TTYH2: variants seen among roughly 807,000 people sequenced by gnomAD.
TTYH2 encodes the protein tweety family member 2.
A neutral mutation model predicts 68.3 loss-of-function variants in TTYH2; 49 were observed. The ratio of observed to expected loss-of-function variants is 0.72; its 90% CI spans 0.57 to 0.91. The LOEUF (loss-of-function observed/expected upper bound fraction) is 0.91. Among genes scored for constraint, TTYH2 ranks in the 40% least tolerant of loss-of-function variants. The pLI is 0.00. For synonymous variants in TTYH2, 272 were observed against 300.8 expected, an observed-to-expected ratio of 0.90 and a Z score of 0.99; for missense variants, 631 against 700.4, an observed-to-expected ratio of 0.90 and a Z score of 1.12.
intron 9 of TTYH2, 117 bp from the exon 10 acceptor site, chr17:74,250,148 C>G: frequency 2.1e-6 from 3 of 1,455,836 alleles, no homozygotes; most frequent in South Asian, 1.2e-5. Context: ...CTCCCGCCCC[C>G]GTGACTCGGC....
At chr17:74,245,607 C>T (rs1270177507) in intron 6 of TTYH2, among the ~76,000 whole-genome samples, 1 of 152,226 alleles carries the variant, frequency 6.6e-6, no homozygotes, top group South Asian at 2.1e-4. Flanking sequence ...CCCTGGAATG[C>T]GGGGAGCTGG....
chr17:74,223,057 C>T (rs952465082), intron 2 of TTYH2, among the ~76,000 whole-genome samples: 1 of 145,594 alleles, frequency 6.9e-6, no homozygotes, highest in Non-Finnish European at 1.5e-5. Context: ...AGATCAATAG[C>T]TTTTAGTGCC....
intron 2 of TTYH2, among the ~76,000 whole-genome samples, chr17:74,226,552 T>C (rs772128673): frequency 4.0e-5 from 6 of 151,816 alleles, no homozygotes; most frequent in Non-Finnish European, 7.4e-5. Context: ...GTGTGAGTTA[T>C]GGGAGGGGCA....
intron 4 of TTYH2, among the ~76,000 whole-genome samples, chr17:74,238,975 T>C (rs2050472259): frequency 6.6e-6 from 1 of 151,922 alleles, no homozygotes; most frequent in African/African-American, 2.4e-5. Context: ...CCTCCCAAAG[T>C]CCAAGGATTA....
chr17:74,247,870 T>C (rs146895924), intron 6 of TTYH2: 126 of 152,304 alleles, frequency 8.3e-4, no homozygotes, highest in Non-Finnish European at 1.3e-3. Context: ...TGTGTGTGTG[T>C]GCGCGTGCGT....
chr17:74,226,267 G>C (rs756476628), intron 2 of TTYH2, among the ~76,000 whole-genome samples: 7 of 152,218 alleles, frequency 4.6e-5, no homozygotes, highest in Non-Finnish European at 1.0e-4. Flanking sequence ...AGTGAGAAGA[G>C]AAGGGGGCTG....
At position 74,229,938 on chromosome 17, in the gene TTYH2, C is replaced by G. The variant is rs550547534; in HGVS notation, c.303-950C>G. Among the ~76,000 whole-genome samples the G allele has an allele frequency of 7.2e-5, 11 of 152,272 alleles. No homozygotes were observed. The South Asian group carries it at 2.3e-3, about 32-fold the overall frequency. On this transcript the variant is annotated intron_variant, in intron 2 of 13. Coordinates refer to ENST00000269346, the MANE Select transcript of TTYH2 (RefSeq NM_032646.6). ...CTGAGGTCAGGAGTTCAAGACCAGC[C>G]TGGCCAACATGGTGAAACCTCCTTT... is the stretch of plus-strand genomic sequence containing the variant.
rs1031171600 is a variant in TTYH2 at position 74,219,387 on chromosome 17, C to CAA, written c.130-3083_130-3082dup. ...CTGGCGACAGAGCAAGACTCCGTGTCAAAAAAAAAAAAAAAAGAATAACTT... is the reference window on the plus strand; with the variant it reads ...CTGGCGACAGAGCAAGACTCCGTGTCAAAAAAAAAAAAAAAAAAGAATAACTT... On this transcript the variant is annotated intron_variant, in intron 1 of 13. Coordinates refer to ENST00000269346, the MANE Select transcript of TTYH2 (RefSeq NM_032646.6). Among the ~76,000 whole-genome samples, 120 of 88,480 alleles carry CAA rather than the reference C, an allele frequency of 1.4e-3. 6 individuals are homozygous for CAA. Among genetic ancestry groups the CAA allele is most frequent in the African/African-American group, 6.5e-3 (110 of 16,946 alleles). 58.0% of individuals were successfully genotyped at this position (88,480 alleles called of 152,430 possible).
In TTYH2 at chr17:74,222,495, T is replaced by C. The variant is rs369319856; in HGVS notation, c.140T>C (p.Phe47Ser). The C allele has an allele frequency of 1.9e-6, 3 of 1,610,048 alleles. No individual in the cohort carries two copies. The East Asian group carries it at 6.7e-5, about 36-fold the overall frequency. The change falls in exon 2 of 14, where the codon TTC becomes TCC. Residue 47 changes from phenylalanine to serine, a missense_variant. Coordinates refer to ENST00000269346, the MANE Select transcript of TTYH2 (RefSeq NM_032646.6). This position sits in a 1 kb window ranked among gnomAD's most constrained non-coding sequence, Gnocchi z 5.2. ...TCTGCTCTCTTCCAGTCGCTGCTGT[T>C]CCTGGGGCTGGTGGCCGCCGTCTGC... ...GDESYQESLL[F>S]LGLVAAVCLG...
intron 1 of TTYH2, among the ~76,000 whole-genome samples, chr17:74,216,875 G>A (rs1418627336): frequency 6.6e-6 from 1 of 152,268 alleles, no homozygotes; most frequent in Non-Finnish European, 1.5e-5. Flanking sequence ...CTACTCTAAA[G>A]AGATGATAAA....
chr17:74,245,616 G>T (rs1238592200), intron 6 of TTYH2, among the ~76,000 whole-genome samples: 1 of 152,366 alleles, frequency 6.6e-6, no homozygotes, highest in Middle Eastern at 3.4e-3. Flanking sequence ...GCGGGGAGCT[G>T]GGGAGAAAGG....
chr17:74,249,128 A>ACTCTGTGC (rs2050591840), intron 7 of TTYH2, 48 bp downstream of exon 7: 1 of 1,610,124 alleles, frequency 6.2e-7, no homozygotes, highest in Non-Finnish European at 8.5e-7. Flanking sequence ...AGGTGGCCGG[A>ACTCTGTGC]CTCTGTGCCC....
chr17:74,222,729 G>A lies in TTYH2; in HGVS notation c.302+72G>A. On this transcript the variant is annotated intron_variant, in intron 2 of 13. Transcript: ENST00000269346. This position sits in a 1 kb window ranked among gnomAD's most constrained non-coding sequence, Gnocchi z 5.2. ...AAGGGGCCAGGGACTGTTTGACCAT[G>A]TTCTGACGGAGCTCCAGCTACCTTG... 1 of 1,444,710 alleles carries A rather than the reference G, an allele frequency of 6.9e-7. No homozygotes were observed. The highest frequency in any genetic ancestry group is 9.1e-7 in the Non-Finnish European group (1 of 1,093,182). The allele number at this position is 1,444,710 out of a possible 1,614,324, so 89.5% of individuals were successfully genotyped here.
At chr17:74,221,962 G>A (rs1476638291) in intron 1 of TTYH2, among the ~76,000 whole-genome samples, 1 of 152,198 alleles carries the variant, frequency 6.6e-6, no homozygotes, top group Non-Finnish European at 1.5e-5. Flanking sequence ...GGACAGCGGG[G>A]TCCTTGCATG....
intron 2 of TTYH2, among the ~76,000 whole-genome samples, chr17:74,229,962 T>C (rs9905931): frequency 1 from 151,918 of 152,292 alleles, 75,779 homozygotes; most frequent in Middle Eastern, 1. Context: ...GAAACCTCCT[T>C]TCTACTAATA....
chr17:74,261,538 CTGT>C lies in TTYH2; in HGVS notation c.*1332_*1334del, dbSNP rs1448259643. The C allele has an allele frequency of 1.3e-5, 2 of 152,652 alleles. No homozygotes were observed. Among genetic ancestry groups the C allele is most frequent in the Non-Finnish European group, 2.9e-5 (2 of 68,054 alleles). 9.5% of individuals were successfully genotyped at this position (152,652 alleles called of 1,614,324 possible). On this transcript the variant is annotated 3_prime_UTR_variant, in exon 14 of 14. Transcript: ENST00000269346. ...AGGGAATAATGTCCCCCAATACTGC[CTGT>C]TGAGGGACCAGAGTTGGGGTCTTTG... is the stretch of plus-strand genomic sequence containing the variant.
chr17:74,253,375 C>A, intron 12 of TTYH2, 109 bp downstream of exon 12: 1 of 1,343,384 alleles, frequency 7.4e-7, no homozygotes, highest in Non-Finnish European at 1.0e-6. Context: ...CACCCGTGGT[C>A]CCCACTACAG....
chr17:74,222,403 A>C lies in TTYH2; in HGVS notation c.130-82A>C. On this transcript the variant is annotated intron_variant, in intron 1 of 13. Transcript: ENST00000269346. This position sits in a 1 kb window ranked among gnomAD's most constrained non-coding sequence, Gnocchi z 5.2. ...AGAGATGCAGCTCAGGCAGTGGGGC[A>C]CTCAGGGCCCAAGGGCAGGGCACTT... 6.9e-7 allele frequency: 1 copy of C among 1,451,716 alleles called. No individual in the cohort carries two copies. The highest frequency in any genetic ancestry group is 9.2e-7 in the Non-Finnish European group (1 of 1,082,716). The allele number at this position is 1,451,716 out of a possible 1,614,324, so 89.9% of individuals were successfully genotyped here. A position where few individuals can be genotyped will look rare whatever the true frequency, so the allele number is the denominator to read the frequency against.
At position 74,215,619 on chromosome 17, in the gene TTYH2, C is replaced by T; in HGVS notation, c.129+1903C>T. On this transcript the variant is annotated intron_variant, in intron 1 of 13. Transcript: ENST00000269346. This position sits in a 1 kb window ranked among gnomAD's most constrained non-coding sequence, Gnocchi z 4.3. Reference sequence around the variant, plus strand: ...TGGCTCCTGGTCCCGCTCACCCCCTCACCACCACTCAGATCGCTGAGTAGG... The same window carrying T: ...TGGCTCCTGGTCCCGCTCACCCCCTTACCACCACTCAGATCGCTGAGTAGG... 3 of 1,535,486 alleles carry T rather than the reference C, an allele frequency of 2.0e-6. No individual in the cohort carries two copies. Among genetic ancestry groups the T allele is most frequent in the Non-Finnish European group, 2.6e-6 (3 of 1,146,812 alleles).
Sources: allele counts gnomAD v4.1 joint callset (sites outside exome capture counted in the v4.1 genomes callset), GRCh38; gene constraint gnomAD v4.1.1; non-coding constraint Gnocchi (gnomAD v3.1); transcripts MANE v1.5; gene names NCBI Gene and HGNC (gene_info 2026-07-23, HGNC 2026-07-21).